The following MYOZ2 variants were observed in gnomAD, a reference collection of about 807,000 sequenced individuals.
MYOZ2 encodes the protein myozenin-2.
MYOZ2 carries 19 observed loss-of-function variants against 25.4 expected under a neutral mutation model. That is an observed-to-expected ratio of 0.75 (90% CI 0.52 to 1.10). The LOEUF is 1.10. MYOZ2 is among the 50% of genes least tolerant of loss of function. MYOZ2 has a pLI of 0.00. For synonymous variants in MYOZ2, 92 were observed against 106.9 expected, an observed-to-expected ratio of 0.86 and a Z score of 0.86; for missense variants, 270 against 317.9, an observed-to-expected ratio of 0.85 and a Z score of 1.15.
intron 5 of MYOZ2, among the ~76,000 whole-genome samples, chr4:119,184,666 C>G (rs1742256417): frequency 6.6e-6 from 1 of 152,208 alleles, no homozygotes; most frequent in African/African-American, 2.4e-5. Flanking sequence ...ATACTGCACA[C>G]TTGAAACTCT....
At chr4:119,161,551 A>G (rs1010740743) in intron 4 of MYOZ2, among the ~76,000 whole-genome samples, 2 of 152,124 alleles carry the variant, frequency 1.3e-5, no homozygotes, top group Non-Finnish European at 2.9e-5. Flanking sequence ...GACATATTGC[A>G]TTGCTGAATT....
At chr4:119,184,173 T>C (rs960084612) in intron 5 of MYOZ2, among the ~76,000 whole-genome samples, 3 of 152,158 alleles carry the variant, frequency 2.0e-5, no homozygotes, top group Non-Finnish European at 4.4e-5. Context: ...TAAAATGTAA[T>C]TAGGTTATAT....
intron 4 of MYOZ2, among the ~76,000 whole-genome samples, chr4:119,160,666 A>G (rs879488003): frequency 7.2e-5 from 11 of 152,056 alleles, no homozygotes; most frequent in South Asian, 2.1e-4. Flanking sequence ...ATGCTTTATT[A>G]AATGGTATAT....
chr4:119,175,361 A>G (rs1307942189), intron 5 of MYOZ2, among the ~76,000 whole-genome samples: 1 of 152,236 alleles, frequency 6.6e-6, no homozygotes, highest in African/African-American at 2.4e-5. Flanking sequence ...AACTGAATAA[A>G]TTCATTTCTG....
intron 5 of MYOZ2, among the ~76,000 whole-genome samples, chr4:119,181,114 T>C (rs1460840367): frequency 6.6e-6 from 1 of 152,206 alleles, no homozygotes; most frequent in Non-Finnish European, 1.5e-5. Context: ...TTGGAAAAGA[T>C]TATGGACAGC....
At chr4:119,162,162 G>A (rs1741723875) in intron 4 of MYOZ2, among the ~76,000 whole-genome samples, 1 of 152,128 alleles carries the variant, frequency 6.6e-6, no homozygotes, top group Non-Finnish European at 1.5e-5. Context: ...ATGACAAGAA[G>A]TAGGGAGAAC....
chr4:119,158,435 A>T (rs543584512), intron 4 of MYOZ2, among the ~76,000 whole-genome samples: 1 of 152,156 alleles, frequency 6.6e-6, no homozygotes, highest in East Asian at 1.9e-4. Flanking sequence ...GCACACTTGT[A>T]GTCCCAGCTA....
chr4:119,142,725 T>A (rs1158973800), intron 2 of MYOZ2, among the ~76,000 whole-genome samples: 1 of 152,204 alleles, frequency 6.6e-6, no homozygotes, highest in African/African-American at 2.4e-5. Flanking sequence ...AGTATAAAAA[T>A]TTTTAAACAT....
intron 5 of MYOZ2, among the ~76,000 whole-genome samples, chr4:119,166,124 G>T (rs182318832): frequency 1.3e-5 from 2 of 151,924 alleles, no homozygotes; most frequent in African/African-American, 4.8e-5. Flanking sequence ...CTACATCAAC[G>T]TAGAAATAAA....
intron 2 of MYOZ2, among the ~76,000 whole-genome samples, chr4:119,149,378 C>T (rs192075286): frequency 2.2e-3 from 332 of 152,350 alleles, no homozygotes; most frequent in Non-Finnish European, 2.5e-3. Flanking sequence ...AAGATCTTAA[C>T]GTGGGTGAGA....
chr4:119,139,256 G>A (rs1008981855), intron 2 of MYOZ2, among the ~76,000 whole-genome samples: 2 of 152,084 alleles, frequency 1.3e-5, no homozygotes, highest in African/African-American at 4.8e-5. Context: ...CATCACCTTG[G>A]CCGGAAGCAG....
intron 2 of MYOZ2, among the ~76,000 whole-genome samples, chr4:119,142,047 C>T (rs1200673061): frequency 6.6e-6 from 1 of 152,188 alleles, no homozygotes; most frequent in African/African-American, 2.4e-5. Context: ...TTATGCAATA[C>T]ATCCCTGACA....
In MYOZ2 at chr4:119,150,895, A is replaced by T. The variant is rs1194966053; in HGVS notation, c.100A>T (p.Lys34Ter). Reference sequence around the variant, plus strand: ...AGATGTTGATGGCATGGACCTGGGCAAAAAGGTCAGCATCCCCAGAGACAT... The same window carrying T: ...AGATGTTGATGGCATGGACCTGGGCTAAAAGGTCAGCATCCCCAGAGACAT... ...GNDVDGMDLG[K>*]KVSIPRDIML... The change falls in exon 3 of 6, where the codon AAA becomes TAA. Residue 34 changes from lysine (K) to a stop codon, truncating the protein, a stop_gained. Transcript: ENST00000307128. LOFTEE classifies it high-confidence loss of function. The T allele has an allele frequency of 6.2e-7, 1 of 1,613,952 alleles. No homozygotes were observed. The highest frequency in any genetic ancestry group is 2.2e-5 in the East Asian group (1 of 44,868).
intron 5 of MYOZ2, 92 bp downstream of exon 5, chr4:119,164,486 A>AT (rs1741780225): frequency 5.3e-6 from 7 of 1,318,592 alleles, no homozygotes; most frequent in South Asian, 2.5e-5. Context: ...GTAGAAAGCA[A>AT]TTTTTTCTTT....
intron 5 of MYOZ2, among the ~76,000 whole-genome samples, chr4:119,183,293 C>T (rs918682837): frequency 6.6e-6 from 1 of 151,834 alleles, no homozygotes; most frequent in Non-Finnish European, 1.5e-5. Flanking sequence ...ATGGAAACTT[C>T]GGAGTGGAAA....
intron 2 of MYOZ2, among the ~76,000 whole-genome samples, chr4:119,143,386 C>T (rs1052777010): frequency 3.3e-5 from 5 of 151,820 alleles, no homozygotes; most frequent in African/African-American, 7.3e-5. Context: ...AGTAGAGATG[C>T]GGTTTCACCA....
At chr4:119,164,428 T>C in intron 5 of MYOZ2, 34 bp downstream of exon 5, 1 of 1,609,778 alleles carries the variant, frequency 6.2e-7, no homozygotes, top group Non-Finnish European at 8.5e-7. Flanking sequence ...ACTGTTGGCA[T>C]GCAATACCAA....
In MYOZ2 at chr4:119,158,073, G is replaced by A. The variant is rs1741623236; in HGVS notation, c.298G>A (p.Gly100Ser). Residue 100 changes from glycine (G) to serine (S), a missense_variant, in exon 4 of 6, where the codon GGT becomes AGT. Transcript: ENST00000307128. ...AGTGGATGGAAGTAACTTGGAAGGT[G>A]GTTCGCAGCAAGCCCCCTTGACTCC... Reference protein sequence around the residue: ...GKVDGSNLEGGSQQAPLTPPN... With the variant: ...GKVDGSNLEGSSQQAPLTPPN... The A allele has an allele frequency of 1.2e-6, 2 of 1,613,938 alleles. No homozygotes were observed. Among genetic ancestry groups the A allele is most frequent in the East Asian group, 4.5e-5 (2 of 44,866 alleles).
intron 2 of MYOZ2, among the ~76,000 whole-genome samples, chr4:119,150,293 A>T (rs527824626): frequency 1.1e-4 from 16 of 152,312 alleles, no homozygotes; most frequent in African/African-American, 3.8e-4. Flanking sequence ...TTATGAATAA[A>T]AATTTTAGGT....
Sources: gnomAD v4.1 joint callset for allele counts (sites outside exome capture counted in the v4.1 genomes callset) on GRCh38, gnomAD v4.1.1 for gene constraint, MANE v1.5 for transcripts, NCBI Gene and HGNC (gene_info 2026-07-23, HGNC 2026-07-21) for gene names.